The following GALNT17 variants were observed in gnomAD, a reference collection of about 807,000 sequenced individuals.
The protein encoded by GALNT17 is UDP-GalNAc:polypeptide N-acetylgalactosaminyltransferase-like 3.
In GALNT17, 29 loss-of-function variants were observed where a neutral mutation model predicts 63.7. The observed-to-expected ratio is 0.46, with a 90% CI of 0.34 to 0.62. GALNT17 has a LOEUF of 0.62. Among genes scored for constraint, GALNT17 ranks in the 20% least tolerant of loss-of-function variants. GALNT17 has a pLI of 0.01. For missense variants in GALNT17, 603 were observed against 799.6 expected, an observed-to-expected ratio of 0.75 and a Z score of 2.97; for synonymous variants, 305 against 318.3, an observed-to-expected ratio of 0.96 and a Z score of 0.45.
At chr7:71,206,409 A>T (rs986964689) in intron 1 of GALNT17, among the ~76,000 whole-genome samples, 5 of 152,190 alleles carry the variant, frequency 3.3e-5, no homozygotes, top group African/African-American at 1.2e-4. Flanking sequence ...ACTTGGCCAG[A>T]GGCAGCGGGA....
intron 1 of GALNT17, among the ~76,000 whole-genome samples, chr7:71,162,932 A>G (rs1265447455): frequency 6.6e-6 from 1 of 152,206 alleles, no homozygotes; most frequent in African/African-American, 2.4e-5. Context: ...CTTTGTAAGG[A>G]TGACTCTACT....
chr7:71,647,229 A>ATTTTTTTTTTTTTTTTT (rs5884850), intron 6 of GALNT17, among the ~76,000 whole-genome samples: 7 of 137,542 alleles, frequency 5.1e-5, no homozygotes, highest in African/African-American at 1.2e-4. Context: ...GTGCCCAGCT[A>ATTTTTTTTTTTTTTTTT]TTTTTTTTTT....
chr7:71,485,197 C>T (rs1162668901), intron 5 of GALNT17, among the ~76,000 whole-genome samples: 1 of 151,900 alleles, frequency 6.6e-6, no homozygotes, highest in Non-Finnish European at 1.5e-5. Flanking sequence ...CTTCAACCTC[C>T]TGGGCTCAAG....
At chr7:71,383,211 A>G (rs1028826973) in intron 2 of GALNT17, among the ~76,000 whole-genome samples, 1 of 152,210 alleles carries the variant, frequency 6.6e-6, no homozygotes. Context: ...ATTCCATTTT[A>G]TATATACACA....
At chr7:71,520,143 T>C (rs1283285099) in intron 5 of GALNT17, among the ~76,000 whole-genome samples, 3 of 152,126 alleles carry the variant, frequency 2.0e-5, no homozygotes, top group Non-Finnish European at 4.4e-5. Flanking sequence ...GAATAGCCCA[T>C]TGTATGTATG....
intron 1 of GALNT17, among the ~76,000 whole-genome samples, chr7:71,249,877 A>G (rs911789653): frequency 2.0e-5 from 3 of 152,226 alleles, no homozygotes; most frequent in African/African-American, 7.2e-5. Flanking sequence ...TCCATTTCTC[A>G]TGATGCCAGT....
intron 2 of GALNT17, among the ~76,000 whole-genome samples, chr7:71,384,419 T>A (rs1792901715): frequency 6.6e-6 from 1 of 152,138 alleles, no homozygotes; most frequent in South Asian, 2.1e-4. Context: ...GTTTTCTCAT[T>A]GTCTTGCAGC....
intron 5 of GALNT17, among the ~76,000 whole-genome samples, chr7:71,455,407 C>T (rs1360900588): frequency 1.3e-5 from 2 of 151,884 alleles, no homozygotes; most frequent in African/African-American, 4.8e-5. Flanking sequence ...CTGGGGTCCT[C>T]TTTGCCAGGT....
At chr7:71,142,617 G>C (rs1236410147) in intron 1 of GALNT17, among the ~76,000 whole-genome samples, 1 of 152,232 alleles carries the variant, frequency 6.6e-6, no homozygotes, top group East Asian at 1.9e-4. Context: ...TATCTTTGTG[G>C]CTTTACCAGG....
chr7:71,256,395 A>T (rs1286991155), intron 1 of GALNT17, among the ~76,000 whole-genome samples: 3 of 152,138 alleles, frequency 2.0e-5, no homozygotes. Flanking sequence ...ACATGGTGAA[A>T]CCATGTCTCT....
intron 9 of GALNT17, among the ~76,000 whole-genome samples, chr7:71,702,753 C>A (rs1046250126): frequency 6.6e-6 from 1 of 152,120 alleles, no homozygotes; most frequent in Non-Finnish European, 1.5e-5. Context: ...TGGCTTAGAA[C>A]AGGGAGGTAG....
intron 1 of GALNT17, among the ~76,000 whole-genome samples, chr7:71,161,856 C>T (rs1051165122): frequency 1.3e-5 from 2 of 152,066 alleles, no homozygotes; most frequent in African/African-American, 2.4e-5. Context: ...TCTGTTTCAA[C>T]GTTGTATCTG....
At chr7:71,668,811 T>C (rs1791024211) in intron 7 of GALNT17, among the ~76,000 whole-genome samples, 1 of 152,190 alleles carries the variant, frequency 6.6e-6, no homozygotes. Context: ...GCAGCCATTA[T>C]GGGTTCATTT....
chr7:71,711,664 TTC>T (rs1018356673), intron 10 of GALNT17, among the ~76,000 whole-genome samples: 8 of 149,334 alleles, frequency 5.4e-5, no homozygotes, highest in Non-Finnish European at 8.9e-5. Context: ...CCCTTTATCT[TTC>T]TCTTTTTCTC....
intron 6 of GALNT17, among the ~76,000 whole-genome samples, chr7:71,622,736 G>A (rs1790315122): frequency 2.0e-5 from 3 of 152,094 alleles, no homozygotes; most frequent in Admixed American, 2.0e-4. Flanking sequence ...GAAGGACTGG[G>A]AAGACCACAG....
chr7:71,646,346 A>G (rs1014610283), intron 6 of GALNT17, among the ~76,000 whole-genome samples: 21 of 152,304 alleles, frequency 1.4e-4, no homozygotes, highest in African/African-American at 4.8e-4. Flanking sequence ...TAAGTAAGCA[A>G]AGGATAACCC....
intron 5 of GALNT17, among the ~76,000 whole-genome samples, chr7:71,508,276 A>C (rs1788298659): frequency 6.6e-6 from 1 of 152,222 alleles, no homozygotes; most frequent in African/African-American, 2.4e-5. Context: ...ATATTTTTAA[A>C]AAGGTTTCCA....
intron 5 of GALNT17, among the ~76,000 whole-genome samples, chr7:71,487,077 C>T (rs992812530): frequency 6.6e-6 from 1 of 152,174 alleles, no homozygotes; most frequent in Non-Finnish European, 1.5e-5. Context: ...GACATCTCTG[C>T]AGGGCAGCTG....
At chr7:71,350,121 A>C (rs1304842111) in intron 2 of GALNT17, among the ~76,000 whole-genome samples, 1 of 152,216 alleles carries the variant, frequency 6.6e-6, no homozygotes, top group Non-Finnish European at 1.5e-5. Context: ...ATTGATGGAA[A>C]TTATTTATGA....
Sources: gnomAD v4.1 joint callset for allele counts (sites outside exome capture counted in the v4.1 genomes callset) on GRCh38, gnomAD v4.1.1 for gene constraint, MANE v1.5 for transcripts, NCBI Gene and HGNC (gene_info 2026-07-23, HGNC 2026-07-21) for gene names.